DTWD2: variants seen among roughly 807,000 people sequenced by gnomAD.
DTWD2 encodes DTW motif tRNA-uridine aminocarboxypropyltransferase 2, also known as tRNA-uridine aminocarboxypropyltransferase 2.
Under a neutral mutation model 31.8 loss-of-function variants are expected in DTWD2, and 39 were observed. That is an observed-to-expected ratio of 1.22 (90% confidence interval 0.95 to 1.60). The LOEUF is 1.60. Ranked by LOEUF, DTWD2 falls within the 40% of genes most tolerant of loss-of-function variation. The pLI is 0.00. For missense variants in DTWD2, 515 were observed against 381.5 expected (o/e 1.35, Z -2.92); for synonymous variants, 180 against 142.8 (o/e 1.26, Z -1.86).
chr5:118,848,518 AC>A (rs1288233970), intron 4 of DTWD2, among the ~76,000 whole-genome samples: 3 of 152,228 alleles, frequency 2.0e-5, no homozygotes, highest in Non-Finnish European at 4.4e-5. Flanking sequence ...AAATAGGTAC[AC>A]AAAAAAGTGT....
chr5:118,852,646 C>A (rs1187230682), intron 4 of DTWD2, among the ~76,000 whole-genome samples: 1 of 152,074 alleles, frequency 6.6e-6, no homozygotes, highest in African/African-American at 2.4e-5. Flanking sequence ...CAGCCACTGT[C>A]GAAAGCGGTG....
At chr5:118,891,588 G>C (rs28436112) in intron 4 of DTWD2, among the ~76,000 whole-genome samples, 1 of 152,140 alleles carries the variant, frequency 6.6e-6, no homozygotes. Context: ...CAAGCAATTA[G>C]AGGCTTAAAC....
intron 4 of DTWD2, among the ~76,000 whole-genome samples, chr5:118,910,994 A>G (rs1173641037): frequency 1.3e-5 from 2 of 152,186 alleles, no homozygotes; most frequent in Non-Finnish European, 2.9e-5. Context: ...CCACCTCTTA[A>G]TACCATCACC....
chr5:118,865,095 T>C lies in DTWD2; in HGVS notation c.598-16877A>G, dbSNP rs571876590. Among the ~76,000 whole-genome samples, 5 of 152,318 alleles carry C rather than the reference T, an allele frequency of 3.3e-5. No homozygotes were observed. In the South Asian group the frequency reaches 8.3e-4, roughly 25 times the overall value. Reference sequence around the variant, plus strand: ...ATCTCATGACTAATTATTTACTTCATAACCTTACGTATGATACACCCACAA... The same window carrying C: ...ATCTCATGACTAATTATTTACTTCACAACCTTACGTATGATACACCCACAA... On this transcript the variant is annotated intron_variant, in intron 4 of 5. Coordinates refer to ENST00000510708, the MANE Select transcript of DTWD2 (RefSeq NM_173666.4).
chr5:118,971,134 C>A (rs1382942734), intron 1 of DTWD2, among the ~76,000 whole-genome samples: 1 of 152,146 alleles, frequency 6.6e-6, no homozygotes, highest in African/African-American at 2.4e-5. Context: ...TCACACATAA[C>A]AATATTAACC....
At chr5:118,964,527 T>G (rs1433197234) in intron 1 of DTWD2, among the ~76,000 whole-genome samples, 1 of 152,146 alleles carries the variant, frequency 6.6e-6, no homozygotes, top group African/African-American at 2.4e-5. Flanking sequence ...CTCTGCTCAC[T>G]GCAACCTCCC....
chr5:118,855,765 A>C (rs1014260110), intron 4 of DTWD2, among the ~76,000 whole-genome samples: 2 of 152,194 alleles, frequency 1.3e-5, no homozygotes, highest in Non-Finnish European at 2.9e-5. Context: ...AACATAAAAA[A>C]TGCATGTTAA....
intron 4 of DTWD2, among the ~76,000 whole-genome samples, chr5:118,894,151 C>A (rs1580791564): frequency 6.6e-6 from 1 of 152,106 alleles, no homozygotes; most frequent in South Asian, 2.1e-4. Flanking sequence ...GACTTAAACT[C>A]TGGCAAACTG....
intron 1 of DTWD2, among the ~76,000 whole-genome samples, chr5:118,987,220 C>T (rs1755448047): frequency 6.6e-6 from 1 of 152,156 alleles, no homozygotes; most frequent in Non-Finnish European, 1.5e-5. Context: ...ATTCACAAAC[C>T]CCTATGTTCA....
At chr5:118,977,483 G>C (rs1466317991) in intron 1 of DTWD2, among the ~76,000 whole-genome samples, 1 of 152,182 alleles carries the variant, frequency 6.6e-6, no homozygotes, top group African/African-American at 2.4e-5. Context: ...AGCAACTTCA[G>C]CAAAGTCTCA....
intron 1 of DTWD2, among the ~76,000 whole-genome samples, chr5:118,987,973 C>CT: frequency 6.6e-6 from 1 of 152,302 alleles, no homozygotes; most frequent in African/African-American, 2.4e-5. Flanking sequence ...GACTGTGTAA[C>CT]TATTTTACAA....
intron 1 of DTWD2, among the ~76,000 whole-genome samples, chr5:118,967,710 A>C (rs999343107): frequency 2.0e-5 from 3 of 152,234 alleles, no homozygotes; most frequent in African/African-American, 7.2e-5. Flanking sequence ...AAATAAATAA[A>C]TGGGGAGAAA....
At position 118,903,869 on chromosome 5, in the gene DTWD2, A is replaced by G. The variant is rs116347357; in HGVS notation, c.597+24668T>C. Among the ~76,000 whole-genome samples, 694 of 151,418 alleles carry G rather than the reference A, an allele frequency of 4.6e-3. 6 individuals carry two copies. Among genetic ancestry groups the G allele is most frequent in the African/African-American group, 0.017 (680 of 40,828 alleles). ...ATTCAATCAAATGAAATAGAGTTAA[A>G]AAGAAATAAGTTATCTCTAAAAATA... On this transcript the variant is annotated intron_variant, in intron 4 of 5. Coordinates refer to ENST00000510708, the MANE Select transcript of DTWD2 (RefSeq NM_173666.4).
intron 4 of DTWD2, among the ~76,000 whole-genome samples, chr5:118,919,698 T>A (rs529574717): frequency 6.6e-6 from 1 of 152,350 alleles, no homozygotes; most frequent in Admixed American, 6.5e-5. Context: ...CAGCCATGCA[T>A]ATGATAGCTG....
intron 2 of DTWD2, among the ~76,000 whole-genome samples, chr5:118,941,964 G>A (rs1754214025): frequency 6.6e-6 from 1 of 152,314 alleles, no homozygotes; most frequent in South Asian, 2.1e-4. Context: ...TCTGTTGGCT[G>A]CATAAATGTC....
At chr5:118,958,360 A>C (rs1754634136) in intron 1 of DTWD2, among the ~76,000 whole-genome samples, 1 of 152,092 alleles carries the variant, frequency 6.6e-6, no homozygotes, top group Non-Finnish European at 1.5e-5. Flanking sequence ...CCAGAGGCTG[A>C]GGCAGGAGAA....
At chr5:118,864,438 G>A (rs1318558092) in intron 4 of DTWD2, among the ~76,000 whole-genome samples, 3 of 150,462 alleles carry the variant, frequency 2.0e-5, no homozygotes, top group South Asian at 2.1e-4. Flanking sequence ...GCTAAATGAC[G>A]AGTTAATGGG....
intron 5 of DTWD2, among the ~76,000 whole-genome samples, chr5:118,841,907 A>C (rs1346244694): frequency 1.3e-5 from 2 of 152,238 alleles, no homozygotes. Flanking sequence ...CAGATTGTTA[A>C]AGGAGCACAA....
intron 1 of DTWD2, among the ~76,000 whole-genome samples, chr5:118,965,308 G>A (rs1445996801): frequency 6.7e-6 from 1 of 149,204 alleles, no homozygotes; most frequent in Admixed American, 6.7e-5. Flanking sequence ...CCGGGAGGTG[G>A]GGGGCGTCTC....
Sources: gnomAD v4.1 joint callset for allele counts (sites outside exome capture counted in the v4.1 genomes callset) on GRCh38, gnomAD v4.1.1 for gene constraint, MANE v1.5 for transcripts, NCBI Gene and HGNC (gene_info 2026-07-23, HGNC 2026-07-21) for gene names.